Variants in SEMA3B observed in about 807,000 individuals in gnomAD.
SEMA3B encodes semaphorin 3B.
A neutral mutation model predicts 77.8 loss-of-function variants in SEMA3B; 71 were observed. That is an observed-to-expected ratio of 0.91 (90% CI 0.75 to 1.11). The LOEUF is 1.11. SEMA3B is among the 50% of genes most tolerant of loss of function. SEMA3B has a pLI of 0.00. For missense variants in SEMA3B, 968 were observed against 1,056.8 expected, an observed-to-expected ratio of 0.92 and a Z score of 1.17; for synonymous variants, 470 against 452.9, an observed-to-expected ratio of 1.04 and a Z score of -0.48.
chr3:50,270,655 G>T lies in SEMA3B; in HGVS notation c.330+160G>T. 1 of 1,157,886 alleles carries T rather than the reference G, an allele frequency of 8.6e-7. No individual in the cohort carries two copies. The allele number at this position is 1,157,886 out of a possible 1,614,324, so 71.7% of individuals were successfully genotyped here. On this transcript the variant is annotated intron_variant, in intron 3 of 16. Transcript: ENST00000616701. The surrounding 1 kb of genome is among the most constrained non-coding windows in gnomAD (Gnocchi z 4.7). ...GTGGTGAGTCAGGGTGGGGGCTCGTGTAATTCTTCTGGGGTGCCTCTGAGT... is the reference window on the plus strand; with the variant it reads ...GTGGTGAGTCAGGGTGGGGGCTCGTTTAATTCTTCTGGGGTGCCTCTGAGT...
At position 50,274,467 on chromosome 3, in the gene SEMA3B, C is replaced by T; in HGVS notation, c.1242C>T (p.Pro414=). ...NHPLMYNSVL[P]TGGRPLFLQV... ...CCCTCATGTACAACTCTGTCCTGCCCACTGGGGGGCGCCCTCTTTTCCTAC... is the reference window on the plus strand; with the variant it reads ...CCCTCATGTACAACTCTGTCCTGCCTACTGGGGGGCGCCCTCTTTTCCTAC... Residue 414 remains proline (P), a synonymous_variant, in exon 11 of 17, where the codon CCC becomes CCT. Coordinates refer to ENST00000616701, the MANE Select transcript of SEMA3B (RefSeq NM_001290060.2). This position sits in a 1 kb window ranked among gnomAD's most constrained non-coding sequence, Gnocchi z 4.7. 1 of 1,549,974 alleles carries T rather than the reference C, an allele frequency of 6.5e-7. No homozygotes were observed. The highest frequency in any genetic ancestry group is 8.7e-7 in the Non-Finnish European group (1 of 1,150,678).
chr3:50,276,236 G>A lies in SEMA3B; in HGVS notation c.1846-66G>A, dbSNP rs1701239275. The A allele has an allele frequency of 2.8e-6, 4 of 1,426,290 alleles. No individual in the cohort carries two copies. In the South Asian group the frequency reaches 4.4e-5, roughly 16 times the overall value. 88.4% of individuals were successfully genotyped at this position (1,426,290 alleles called of 1,614,324 possible). On this transcript the variant is annotated intron_variant, in intron 16 of 16. Coordinates refer to ENST00000616701, the MANE Select transcript of SEMA3B (RefSeq NM_001290060.2). This position sits in a 1 kb window ranked among gnomAD's most constrained non-coding sequence, Gnocchi z 5.8. ...AATGACTCTTTGCTTCTTCCGTCGC[G>A]TGCTAGGGCCCGGAAGCCCTGTTCC...
Position 50,271,391 on chromosome 3 carries a change from A to G in SEMA3B, c.575A>G (p.Asp192Gly). Residue 192 changes from aspartate (D) to glycine (G), a missense_variant, in exon 6 of 17, where the codon GAC becomes GGC. Coordinates refer to ENST00000616701, the MANE Select transcript of SEMA3B (RefSeq NM_001290060.2). Reference sequence around the variant, plus strand: ...GAGCTATACTCAGGGGTGGCAGCAGACCTCATGGGACGAGACTTTACCATC... The same window carrying G: ...GAGCTATACTCAGGGGTGGCAGCAGGCCTCATGGGACGAGACTTTACCATC... ...GEELYSGVAA[D>G]LMGRDFTIFR... is the part of the protein sequence containing the mutation. 2.5e-6 allele frequency: 4 copies of G among 1,588,352 alleles called. No individual in the cohort carries two copies. The highest frequency in any genetic ancestry group is 2.6e-6 in the Non-Finnish European group (3 of 1,167,448).
In SEMA3B at chr3:50,270,319, G is replaced by C. The variant is rs1701012668; in HGVS notation, c.267+35G>C. The C allele has an allele frequency of 6.2e-7, 1 of 1,610,450 alleles. No individual in the cohort carries two copies. ...ACTCCCAACCCCAGCACTCCCCAGGGAAGGAGCCCTGGGACCCCACTCCAG... is the reference window on the plus strand; with the variant it reads ...ACTCCCAACCCCAGCACTCCCCAGGCAAGGAGCCCTGGGACCCCACTCCAG... On this transcript the variant is annotated intron_variant, in intron 2 of 16. Coordinates refer to ENST00000616701, the MANE Select transcript of SEMA3B (RefSeq NM_001290060.2). The surrounding 1 kb of genome is among the most constrained non-coding windows in gnomAD (Gnocchi z 4.7).
chr3:50,272,864 T>TAATAATAATAATAATAATAATAAA, intron 6 of SEMA3B, among the ~76,000 whole-genome samples: 1 of 149,114 alleles, frequency 6.7e-6, no homozygotes, highest in African/African-American at 2.4e-5. Context: ...CAAATAATAA[T>TAATAATAATAATAATAATAATAAA]AATAATAATA....
In SEMA3B at chr3:50,276,640, T is replaced by A. The variant is rs782613977; in HGVS notation, c.2184T>A (p.Arg728=). Residue 728 remains arginine, a synonymous_variant, in exon 17 of 17, where the codon CGT becomes CGA. Transcript: ENST00000616701. This position sits in a 1 kb window ranked among gnomAD's most constrained non-coding sequence, Gnocchi z 5.8. ...CCCTGGAGTCGCGGAGAAAGGGCCG[T>A]AACCGGAGGACCCACGCCCCTGAGC... The part of the protein sequence containing the change: ...SLPLESRRKG[R]NRRTHAPEPR... 1 of 1,595,308 alleles carries A rather than the reference T, an allele frequency of 6.3e-7. No homozygotes were observed. The highest frequency in any genetic ancestry group is 8.5e-7 in the Non-Finnish European group (1 of 1,175,682).
rs1189680063 is a variant in SEMA3B, at chr3:50,270,007, C to T, written c.110-120C>T. Reference sequence around the variant, plus strand: ...GTGTGTAAACTCACACACATGTAAACTCACATGTGTACAGGCCAGGTCCTA... The same window carrying T: ...GTGTGTAAACTCACACACATGTAAATTCACATGTGTACAGGCCAGGTCCTA... On this transcript the variant is annotated intron_variant, in intron 1 of 16. Transcript: ENST00000616701. This position sits in a 1 kb window ranked among gnomAD's most constrained non-coding sequence, Gnocchi z 4.7. 3.7e-6 allele frequency: 4 copies of T among 1,088,382 alleles called. No homozygotes were observed. The highest frequency in any genetic ancestry group is 5.1e-6 in the Non-Finnish European group (4 of 788,196). The allele number at this position is 1,088,382 out of a possible 1,614,324, so 67.4% of individuals were successfully genotyped here. A position where few individuals can be genotyped will look rare whatever the true frequency, so the allele number is the denominator to read the frequency against.
chr3:50,263,540 T>C (rs1394727509), upstream of SEMA3B, among the ~76,000 whole-genome samples: 1 of 117,914 alleles, frequency 8.5e-6, no homozygotes, highest in Non-Finnish European at 1.8e-5. Context: ...AAAAAGAGAG[T>C]GGCCCTGTGA....
In SEMA3B at chr3:50,275,288, C is replaced by G; in HGVS notation, c.1492-14C>G. The G allele has an allele frequency of 6.5e-7, 1 of 1,537,492 alleles. No homozygotes were observed. The highest frequency in any genetic ancestry group is 8.8e-7 in the Non-Finnish European group (1 of 1,140,500). ...GTCGCCCTCGGTCAGCCCAGAGCCC[C>G]TCGTGCCCCCTAGCACCAGCTGTAC... On this transcript the variant is annotated splice_polypyrimidine_tract_variant and intron_variant, in intron 13 of 16. Coordinates refer to ENST00000616701, the MANE Select transcript of SEMA3B (RefSeq NM_001290060.2). This position sits in a 1 kb window ranked among gnomAD's most constrained non-coding sequence, Gnocchi z 7.5.
upstream of SEMA3B, chr3:50,262,685 T>C (rs4141060): frequency 0.31 from 46,929 of 152,146 alleles, 10,187 homozygotes; most frequent in East Asian, 0.65. Flanking sequence ...AGCCCCACAG[T>C]CCCTGGTGAT....
Position 50,273,598 on chromosome 3 carries a change from G to A in SEMA3B, c.874G>A (p.Val292Met). Reference sequence around the variant, plus strand: ...GACGACGTTCCTGAAGGCGCGGCTGGTGTGCTCGGTGCCCGGCGTCGAGGG... The same window carrying A: ...GACGACGTTCCTGAAGGCGCGGCTGATGTGCTCGGTGCCCGGCGTCGAGGG... ...KWTTFLKARL[V>M]CSVPGVEGDT... The change falls in exon 8 of 17, where the codon GTG becomes ATG. Residue 292 changes from valine to methionine, a missense_variant. Val to Met is a conservative substitution (Grantham distance 21). Transcript: ENST00000616701. This position sits in a 1 kb window ranked among gnomAD's most constrained non-coding sequence, Gnocchi z 6.5. The A allele has an allele frequency of 6.2e-7, 1 of 1,612,982 alleles. No individual in the cohort carries two copies. Among genetic ancestry groups the A allele is most frequent in the Non-Finnish European group, 8.5e-7 (1 of 1,179,728 alleles).
Position 50,270,422 on chromosome 3 carries a change from C to G in SEMA3B, c.268-11C>G. 1 of 1,613,780 alleles carries G rather than the reference C, an allele frequency of 6.2e-7. No homozygotes were observed. The highest frequency in any genetic ancestry group is 8.5e-7 in the Non-Finnish European group (1 of 1,179,844). On this transcript the variant is annotated splice_polypyrimidine_tract_variant and intron_variant, in intron 2 of 16. Coordinates refer to ENST00000616701, the MANE Select transcript of SEMA3B (RefSeq NM_001290060.2). This position sits in a 1 kb window ranked among gnomAD's most constrained non-coding sequence, Gnocchi z 4.7. Reference sequence around the variant, plus strand: ...CTGACCTGTGTCCCCTCTCCCCCAACCTCCCGATAGCTGGCCTGGCCGGCC... The same window carrying G: ...CTGACCTGTGTCCCCTCTCCCCCAAGCTCCCGATAGCTGGCCTGGCCGGCC...
chr3:50,273,852 G>A lies in SEMA3B; in HGVS notation c.992+24G>A. 4 of 1,565,100 alleles carry A rather than the reference G, an allele frequency of 2.6e-6. No homozygotes were observed. The highest frequency in any genetic ancestry group is 1.9e-5 in the Admixed American group (1 of 53,216). On this transcript the variant is annotated intron_variant, in intron 9 of 16. Transcript: ENST00000616701. This position sits in a 1 kb window ranked among gnomAD's most constrained non-coding sequence, Gnocchi z 6.5. ...AGGTGAGGGGCAGGAGGTAGGGAGCGCCCGGGGCGGGCCGCTGGGCTCCAC... is the reference window on the plus strand; with the variant it reads ...AGGTGAGGGGCAGGAGGTAGGGAGCACCCGGGGCGGGCCGCTGGGCTCCAC...
intron 6 of SEMA3B, 104 bp downstream of exon 6, chr3:50,271,584 T>C: frequency 6.8e-7 from 1 of 1,475,438 alleles, no homozygotes; most frequent in Non-Finnish European, 9.1e-7. Flanking sequence ...GGCCAGGTCT[T>C]ACCAAATACC....
upstream of SEMA3B, among the ~76,000 whole-genome samples, chr3:50,263,525 A>AG (rs1237859408): frequency 6.8e-6 from 1 of 146,640 alleles, no homozygotes; most frequent in Non-Finnish European, 1.5e-5. Context: ...AAAAAAAAAA[A>AG]GATGAAAAAG....
At chr3:50,265,637 A>G (rs367645540), upstream of SEMA3B, among the ~76,000 whole-genome samples, 13 of 152,358 alleles carry the variant, frequency 8.5e-5, no homozygotes, top group East Asian at 1.5e-3. Context: ...GGGTAGGAGT[A>G]CAGGCAGGAA....
upstream of SEMA3B, chr3:50,263,106 G>A (rs1448572697): frequency 6.6e-6 from 1 of 152,292 alleles, no homozygotes; most frequent in Non-Finnish European, 1.5e-5. Flanking sequence ...TCTAAAGGGT[G>A]GAGGGCACAG....
upstream of SEMA3B, among the ~76,000 whole-genome samples, chr3:50,264,413 C>T (rs1553704248): frequency 6.6e-6 from 1 of 152,202 alleles, no homozygotes; most frequent in Non-Finnish European, 1.5e-5. Context: ...GGTACCCCCA[C>T]TGTGTGCCAG....
chr3:50,275,066 G>C lies in SEMA3B; in HGVS notation c.1491+13G>C, dbSNP rs1553706256. The C allele has an allele frequency of 1.3e-6, 2 of 1,575,202 alleles. No individual in the cohort carries two copies. The highest frequency in any genetic ancestry group is 3.4e-5 in the Admixed American group (2 of 58,076). On this transcript the variant is annotated intron_variant, in intron 13 of 16. Transcript: ENST00000616701. This position sits in a 1 kb window ranked among gnomAD's most constrained non-coding sequence, Gnocchi z 7.5. Reference sequence around the variant, plus strand: ...TTCTTCCAAGAGGGTGAGTGACCAGGATGGGGGTCGGGGTGGGATGGACTG... The same window carrying C: ...TTCTTCCAAGAGGGTGAGTGACCAGCATGGGGGTCGGGGTGGGATGGACTG...
Sources: allele counts gnomAD v4.1 joint callset (sites outside exome capture counted in the v4.1 genomes callset), GRCh38; gene constraint gnomAD v4.1.1; non-coding constraint Gnocchi (gnomAD v3.1); transcripts MANE v1.5; gene names NCBI Gene and HGNC (gene_info 2026-07-23, HGNC 2026-07-21).